TRIM21: variants seen among roughly 807,000 people sequenced by gnomAD.
TRIM21 encodes tripartite motif containing 21.
In TRIM21, 35 loss-of-function variants were observed where a neutral mutation model predicts 36.1. That is an observed-to-expected ratio of 0.97 (90% CI 0.74 to 1.28). The LOEUF is 1.28. TRIM21 is among the 50% of genes most tolerant of loss of function. The pLI is 0.00. For synonymous variants in TRIM21, 256 were observed against 211.5 expected, an observed-to-expected ratio of 1.21 and a Z score of -1.83; for missense variants, 635 against 570.7, an observed-to-expected ratio of 1.11 and a Z score of -1.15.
intron 3 of TRIM21, among the ~76,000 whole-genome samples, 181 bp from the exon 4 acceptor site, chr11:4,388,711 T>G (rs1266643261): frequency 6.6e-6 from 1 of 151,678 alleles, no homozygotes; most frequent in African/African-American, 2.4e-5. Flanking sequence ...GCTTGGGAGG[T>G]AGGTGGTTGA....
chr11:4,391,013 G>A (rs1246258454), intron 1 of TRIM21, among the ~76,000 whole-genome samples: 4 of 23,668 alleles, frequency 1.7e-4, no homozygotes, highest in Non-Finnish European at 4.1e-4. Flanking sequence ...ACATTGGACT[G>A]GGCAAAGATT....
chr11:4,386,918 A>G (rs1286968792), intron 5 of TRIM21, 50 bp downstream of exon 5: 3 of 1,554,432 alleles, frequency 1.9e-6, no homozygotes, highest in African/African-American at 2.7e-5. Context: ...TGTCATAGGC[A>G]TATATGCTTT....
In TRIM21 at chr11:4,385,048, G is replaced by T; in HGVS notation, c.*237C>A. On this transcript the variant is annotated 3_prime_UTR_variant, in exon 7 of 7. Transcript: ENST00000254436. ...ATAAAGAAGGCAGAAACATGTTTTTGGTTGATCAAGATGAGTTTGGGCCAA... is the reference window on the plus strand; with the variant it reads ...ATAAAGAAGGCAGAAACATGTTTTTTGTTGATCAAGATGAGTTTGGGCCAA... 2 of 471,438 alleles carry T rather than the reference G, an allele frequency of 4.2e-6. No individual in the cohort carries two copies. Among genetic ancestry groups the T allele is most frequent in the Non-Finnish European group, 7.4e-6 (2 of 268,654 alleles). The allele number at this position is 471,438 out of a possible 1,614,324, so 29.2% of individuals were successfully genotyped here.
chr11:4,385,710 G>A lies in TRIM21; in HGVS notation c.1003C>T (p.Gln335Ter). The stretch of plus-strand genomic sequence containing the variant: ...TAATGTTTTCCAGAGTGAAAGTGCT[G>A]GGCACCCAGGACCATAGGATAACTA... The part of the protein sequence containing the change: ...FDSYPMVLGA[Q>*]HFHSGKHYWE... The change falls in exon 7 of 7, where the codon CAG becomes TAG. Residue 335 changes from glutamine to a stop codon, truncating the protein, a stop_gained. Coordinates refer to ENST00000254436, the MANE Select transcript of TRIM21 (RefSeq NM_003141.4). LOFTEE classifies it low-confidence loss of function (END_TRUNC). 6.2e-7 allele frequency: 1 copy of A among 1,613,058 alleles called. No individual in the cohort carries two copies. Among genetic ancestry groups the A allele is most frequent in the Middle Eastern group, 1.6e-4 (1 of 6,062 alleles).
chr11:4,385,809 G>T lies in TRIM21; in HGVS notation c.904C>A (p.Leu302Ile). The T allele has an allele frequency of 6.2e-7, 1 of 1,613,388 alleles. No individual in the cohort carries two copies. Among genetic ancestry groups the T allele is most frequent in the South Asian group, 1.1e-5 (1 of 90,862 alleles). ...CTCACTTGTCTCCGATCTTCTGAAA[G>T]TATCAGCCACGGATTGGCTGTGTCT... is the stretch of plus-strand genomic sequence containing the variant. ...DPDTANPWLI[L>I]SEDRRQVRLG... is the part of the protein sequence containing the mutation. The change falls in exon 7 of 7, where the codon CTT (leucine) becomes ATT (isoleucine). Residue 302 changes from leucine (L) to isoleucine (I), a missense_variant. Leu to Ile is a conservative substitution (Grantham distance 5). Transcript: ENST00000254436.
chr11:4,391,171 T>C (rs1018604351), intron 1 of TRIM21, among the ~76,000 whole-genome samples: 2 of 152,064 alleles, frequency 1.3e-5, no homozygotes, highest in Non-Finnish European at 2.9e-5. Flanking sequence ...TTGTAAACTA[T>C]CCATCTGACA....
At chr11:4,387,192 T>C (rs1442460964) in intron 4 of TRIM21, among the ~76,000 whole-genome samples, 1 of 151,334 alleles carries the variant, frequency 6.6e-6, no homozygotes, top group Non-Finnish European at 1.5e-5. Flanking sequence ...AAGCCCAGCA[T>C]GGATGTGACC....
intron 1 of TRIM21, among the ~76,000 whole-genome samples, chr11:4,391,495 A>G (rs1000471548): frequency 5.3e-5 from 8 of 152,212 alleles, no homozygotes; most frequent in African/African-American, 1.7e-4. Flanking sequence ...AATTAGTACA[A>G]TCACTACAGA....
rs767378115 is a variant in TRIM21 at position 4,385,466 on chromosome 11, C to T, written c.1247G>A (p.Gly416Asp). 3.7e-6 allele frequency: 6 copies of T among 1,611,982 alleles called. No homozygotes were observed. Among genetic ancestry groups the T allele is most frequent in the African/African-American group, 1.3e-5 (1 of 74,876 alleles). ...QVGIFLDYEAGMVSFYNITDH... is the reference protein window; with the variant it reads ...QVGIFLDYEADMVSFYNITDH... ...AGTGATGTTGTAGAAGGAGACCATG[C>T]CAGCCTCATAGTCCAGGAAAATCCC... Residue 416 changes from glycine (G) to aspartate (D), a missense_variant, in exon 7 of 7, where the codon GGC (glycine) becomes GAC (aspartate). Coordinates refer to ENST00000254436, the MANE Select transcript of TRIM21 (RefSeq NM_003141.4).
In TRIM21 at chr11:4,390,058, G is replaced by C; in HGVS notation, c.352C>G (p.Arg118Gly). 6.2e-7 allele frequency: 1 copy of C among 1,613,964 alleles called. No individual in the cohort carries two copies. The highest frequency in any genetic ancestry group is 8.5e-7 in the Non-Finnish European group (1 of 1,179,892). Residue 118 changes from arginine (R) to glycine (G), a missense_variant, in exon 2 of 7, where the codon CGG becomes GGG. Physicochemically the swap from Arg to Gly is moderately radical, Grantham distance 125. Coordinates refer to ENST00000254436, the MANE Select transcript of TRIM21 (RefSeq NM_003141.4). Reference protein sequence around the residue: ...KALCWVCAQSRKHRDHAMVPL... With the variant: ...KALCWVCAQSGKHRDHAMVPL... ...ACCATGGCGTGGTCACGGTGTTTCC[G>C]AGACTGGGCACATACCCAGCAAAGG...
At position 4,388,457 on chromosome 11, in the gene TRIM21, T is replaced by G. The variant is rs1403178097; in HGVS notation, c.578A>C (p.Glu193Ala). Residue 193 changes from glutamate to alanine, a missense_variant, in exon 4 of 7, where the codon GAA becomes GCA. By Grantham distance (107) the Glu-to-Ala change is moderately radical. Coordinates refer to ENST00000254436, the MANE Select transcript of TRIM21 (RefSeq NM_003141.4). ...CTCCAGCTCCTGCAGCTGCCTCTGT[T>G]CTTCTTCAACCAGGAAGTTTTTTTG... Reference protein sequence around the residue: ...VQQKNFLVEEEQRQLQELEKD... With the variant: ...VQQKNFLVEEAQRQLQELEKD... 6.2e-6 allele frequency: 10 copies of G among 1,613,738 alleles called. No individual in the cohort carries two copies. The highest frequency in any genetic ancestry group is 7.6e-6 in the Non-Finnish European group (9 of 1,179,888).
rs906488509 is a variant in TRIM21 at position 4,388,336 on chromosome 11, A to C, written c.699T>G (p.Asp233Glu). The change falls in exon 4 of 7, where the codon GAT becomes GAG. Residue 233 changes from aspartate to glutamate, a missense_variant. By Grantham distance (45) the Asp-to-Glu change is conservative. Coordinates refer to ENST00000254436, the MANE Select transcript of TRIM21 (RefSeq NM_003141.4). Reference protein sequence around the residue: ...QALQELISELDRRCHSSALEL... With the variant: ...QALQELISELERRCHSSALEL... ...CCAGTGCTGAGCTGTGGCACCTTCG[A>C]TCTAGCTCTGAGATGAGCTCCTGTA... 6.2e-7 allele frequency: 1 copy of C among 1,613,852 alleles called. No homozygotes were observed. Among genetic ancestry groups the C allele is most frequent in the Non-Finnish European group, 8.5e-7 (1 of 1,179,850 alleles).
chr11:4,387,693 T>C (rs1372486225), intron 4 of TRIM21, among the ~76,000 whole-genome samples: 3 of 152,020 alleles, frequency 2.0e-5, no homozygotes, highest in African/African-American at 7.2e-5. Flanking sequence ...CCATCTCTAC[T>C]AGGGATGCAA....
rs1564809057 is a variant in TRIM21, at chr11:4,385,008, A to G, written c.*277T>C. On this transcript the variant is annotated 3_prime_UTR_variant, in exon 7 of 7. Transcript: ENST00000254436. The stretch of plus-strand genomic sequence containing the variant: ...ATCCTAGAGATGGAGAGGAGAAAAA[A>G]AAAACTTAAGTCCCATAAAGAAGGC... 2.5e-6 allele frequency: 1 copy of G among 392,780 alleles called. No individual in the cohort carries two copies. The highest frequency in any genetic ancestry group is 4.5e-6 in the Non-Finnish European group (1 of 220,908). The allele number at this position is 392,780 out of a possible 1,614,324, so 24.3% of individuals were successfully genotyped here.
At position 4,388,413 on chromosome 11, in the gene TRIM21, G is replaced by C; in HGVS notation, c.622C>G (p.Leu208Val). The C allele has an allele frequency of 6.2e-7, 1 of 1,613,922 alleles. No individual in the cohort carries two copies. The highest frequency in any genetic ancestry group is 8.5e-7 in the Non-Finnish European group (1 of 1,179,892). Reference protein sequence around the residue: ...QELEKDEREQLRILGEKEAKL... With the variant: ...QELEKDEREQVRILGEKEAKL... ...GCCTCTTTCTCCCCCAGGATTCTCA[G>C]CTGCTCCCTCTCATCCTTCTCCAGC... Residue 208 changes from leucine (L) to valine (V), a missense_variant, in exon 4 of 7, where the codon CTG becomes GTG. By Grantham distance (32) the Leu-to-Val change is conservative. Transcript: ENST00000254436.
intron 3 of TRIM21, 110 bp from the exon 4 acceptor site, chr11:4,388,640 T>A (rs2094959264): frequency 9.3e-7 from 1 of 1,070,932 alleles, no homozygotes; most frequent in African/African-American, 1.6e-5. Context: ...CTCTGTGCTG[T>A]CTGGGAAAAC....
At chr11:4,391,168 C>T (rs555666498) in intron 1 of TRIM21, among the ~76,000 whole-genome samples, 1 of 152,152 alleles carries the variant, frequency 6.6e-6, no homozygotes, top group Non-Finnish European at 1.5e-5. Flanking sequence ...TATTTGTAAA[C>T]TATCCATCTG....
intron 6 of TRIM21, 138 bp downstream of exon 6, chr11:4,386,019 G>A: frequency 9.3e-7 from 1 of 1,078,094 alleles, no homozygotes; most frequent in Non-Finnish European, 1.4e-6. Context: ...GACCTCTGAA[G>A]AAACCATCTT....
chr11:4,386,112 T>C, intron 6 of TRIM21, 45 bp downstream of exon 6: 1 of 1,581,798 alleles, frequency 6.3e-7, no homozygotes, highest in Non-Finnish European at 8.7e-7. Flanking sequence ...CCCTGGGATC[T>C]ACTCTGCACC....
Sources: allele counts gnomAD v4.1 joint callset (sites outside exome capture counted in the v4.1 genomes callset), GRCh38; gene constraint gnomAD v4.1.1; transcripts MANE v1.5; gene names NCBI Gene and HGNC (gene_info 2026-07-23, HGNC 2026-07-21).